The following RYR3 variants were observed in gnomAD, a reference collection of about 807,000 sequenced individuals.
RYR3 encodes ryanodine receptor 3.
Under a neutral mutation model 584.3 loss-of-function variants are expected in RYR3, and 207 were observed. The ratio of observed to expected loss-of-function variants is 0.35; its 90% confidence interval spans 0.32 to 0.40. The LOEUF (loss-of-function observed/expected upper bound fraction) is 0.40. RYR3 is among the 10% of genes least tolerant of loss of function. RYR3 has a pLI of 1.00. For synonymous variants in RYR3, 2,416 were observed against 2,248.5 expected (o/e 1.07, Z -2.11); for missense variants, 5,616 against 6,089.2 (o/e 0.92, Z 2.59).
chr15:33,366,354 T>C (rs1388286421), intron 1 of RYR3, among the ~76,000 whole-genome samples: 1 of 152,186 alleles, frequency 6.6e-6, no homozygotes, highest in Non-Finnish European at 1.5e-5. Context: ...AAAGACATGC[T>C]TATCAAGCTG....
intron 19 of RYR3, among the ~76,000 whole-genome samples, chr15:33,622,589 C>G (rs1009924420): frequency 5.9e-5 from 9 of 152,310 alleles, no homozygotes; most frequent in African/African-American, 2.2e-4. Context: ...TTGTTCATTG[C>G]TGAATCCCCA....
chr15:33,610,555 A>G (rs1038801421), intron 18 of RYR3, among the ~76,000 whole-genome samples: 13 of 152,136 alleles, frequency 8.5e-5, no homozygotes, highest in African/African-American at 2.9e-4. Context: ...CAATTACCCA[A>G]ATTAATTAGA....
chr15:33,334,909 C>T (rs1970779890), intron 1 of RYR3, among the ~76,000 whole-genome samples: 2 of 151,896 alleles, frequency 1.3e-5, no homozygotes, highest in East Asian at 3.9e-4. Context: ...TACATGCAGT[C>T]AACAAACATG....
intron 88 of RYR3, among the ~76,000 whole-genome samples, 188 bp downstream of exon 88, chr15:33,837,175 A>G (rs577636683): frequency 1.1e-4 from 16 of 152,350 alleles, no homozygotes; most frequent in Middle Eastern, 3.4e-3. Flanking sequence ...CCTGAAATCA[A>G]TTGATTTTCT....
At position 33,491,142 on chromosome 15, in the gene RYR3, C is replaced by T. The variant is rs919798511; in HGVS notation, c.172-12489C>T. ...AGTCATTGACCTTATACACCAGTTT[C>T]GTCATTTGACTAATATCTTCAGTGA... On this transcript the variant is annotated intron_variant, in intron 2 of 103. Transcript: ENST00000634891. Among the ~76,000 whole-genome samples the T allele has an allele frequency of 3.3e-5, 5 of 152,160 alleles. No individual in the cohort carries two copies. The East Asian group carries it at 5.8e-4, about 18-fold the overall frequency.
At chr15:33,794,026 A>ATATACATAAATACATATTATATAT in intron 67 of RYR3, among the ~76,000 whole-genome samples, 1 of 119,586 alleles carries the variant, frequency 8.4e-6, no homozygotes, top group South Asian at 3.0e-4. Context: ...TATTATATAT[A>ATATACATAAATACATATTATATAT]AATATATACA....
intron 5 of RYR3, among the ~76,000 whole-genome samples, chr15:33,536,055 C>CAA (rs1158502229): frequency 6.6e-6 from 1 of 152,190 alleles, no homozygotes; most frequent in Admixed American, 6.5e-5. Flanking sequence ...ACCTCCAACT[C>CAA]AGATGAGGTT....
At chr15:33,532,268 C>T (rs1317510341) in intron 4 of RYR3, among the ~76,000 whole-genome samples, 1 of 152,174 alleles carries the variant, frequency 6.6e-6, no homozygotes, top group Non-Finnish European at 1.5e-5. Context: ...GTTTAACAGT[C>T]ATTTCTAAGT....
intron 1 of RYR3, among the ~76,000 whole-genome samples, chr15:33,423,711 T>C (rs1036518782): frequency 3.3e-5 from 5 of 152,212 alleles, no homozygotes; most frequent in African/African-American, 9.7e-5. Context: ...TAGAATCTCA[T>C]TGTGCTCTTA....
intron 3 of RYR3, among the ~76,000 whole-genome samples, chr15:33,505,656 TAA>T (rs1391923979): frequency 6.6e-6 from 1 of 151,188 alleles, no homozygotes; most frequent in Admixed American, 6.6e-5. Context: ...CATGCCCGGC[TAA>T]TTTTTTTGTA....
intron 81 of RYR3, 82 bp downstream of exon 81, chr15:33,823,154 T>C: frequency 8.9e-7 from 1 of 1,120,544 alleles, no homozygotes; most frequent in Non-Finnish European, 1.3e-6. Flanking sequence ...GCACAAAATA[T>C]ACTGGCCTAC....
intron 85 of RYR3, among the ~76,000 whole-genome samples, chr15:33,829,610 G>C (rs184263962): frequency 6.6e-6 from 1 of 151,950 alleles, no homozygotes; most frequent in Non-Finnish European, 1.5e-5. Flanking sequence ...AAAATTAGCC[G>C]GGCATGGTGG....
At chr15:33,630,816 A>G (rs2061228372) in intron 22 of RYR3, among the ~76,000 whole-genome samples, 1 of 152,234 alleles carries the variant, frequency 6.6e-6, no homozygotes, top group African/African-American at 2.4e-5. Context: ...TAAAATAGAA[A>G]AATGTCTCCA....
At chr15:33,656,136 G>T (rs1221458575) in intron 32 of RYR3, among the ~76,000 whole-genome samples, 1 of 152,248 alleles carries the variant, frequency 6.6e-6, no homozygotes, top group Non-Finnish European at 1.5e-5. Flanking sequence ...ATTTACAAGA[G>T]GGGTTAGCTT....
chr15:33,425,766 C>A (rs987439574), intron 1 of RYR3, among the ~76,000 whole-genome samples: 6 of 151,266 alleles, frequency 4.0e-5, no homozygotes, highest in Non-Finnish European at 8.8e-5. Context: ...CTCAGCCTCC[C>A]GAGTAGCTGG....
intron 38 of RYR3, among the ~76,000 whole-genome samples, chr15:33,671,191 A>G (rs2063817077): frequency 6.6e-6 from 1 of 152,200 alleles, no homozygotes; most frequent in Non-Finnish European, 1.5e-5. Context: ...CAGGGCTGTT[A>G]GACTATCTCT....
chr15:33,679,139 G>C (rs1320240417), intron 38 of RYR3, among the ~76,000 whole-genome samples: 2 of 151,988 alleles, frequency 1.3e-5, no homozygotes, highest in East Asian at 1.9e-4. Flanking sequence ...AGACCACAGA[G>C]GGCATGAGTT....
chr15:33,746,503 G>A (rs1387165773), intron 53 of RYR3, among the ~76,000 whole-genome samples: 1 of 152,138 alleles, frequency 6.6e-6, no homozygotes, highest in East Asian at 1.9e-4. Context: ...AATTGCTGGA[G>A]AAAATTCAGA....
In RYR3 at chr15:33,731,582, T is replaced by C. The variant is rs1662179244; in HGVS notation, c.7312T>C (p.Cys2438Arg). 1.9e-6 allele frequency: 3 copies of C among 1,613,794 alleles called. No homozygotes were observed. Among genetic ancestry groups the C allele is most frequent in the Non-Finnish European group, 2.5e-6 (3 of 1,179,686 alleles). ...CCCTCTCTTTGCCGGAACAGAACACTGCACCTCTCTGATTGATTCCACACT... is the reference window on the plus strand; with the variant it reads ...CCCTCTCTTTGCCGGAACAGAACACCGCACCTCTCTGATTGATTCCACACT... ...CAPLFAGTEH[C>R]TSLIDSTLQT... Residue 2438 changes from cysteine (C) to arginine (R), a missense_variant, in exon 48 of 104, where the codon TGC becomes CGC. Transcript: ENST00000634891.
Sources: allele counts gnomAD v4.1 joint callset (sites outside exome capture counted in the v4.1 genomes callset), GRCh38; gene constraint gnomAD v4.1.1; transcripts MANE v1.5; gene names NCBI Gene and HGNC (gene_info 2026-07-23, HGNC 2026-07-21).